The following DCC variants were observed in gnomAD, a reference collection of about 807,000 sequenced individuals.
DCC encodes DCC netrin 1 receptor, also known as netrin receptor DCC.
A neutral mutation model predicts 172.5 loss-of-function variants in DCC; 58 were observed. That is an observed-to-expected ratio of 0.34 (90% CI 0.27 to 0.42). The LOEUF is 0.42. DCC is among the 10% of genes least tolerant of loss of function. The pLI, the probability that DCC is intolerant of heterozygous loss-of-function variation, is 1.00. For synonymous variants in DCC, 709 were observed against 644.5 expected (o/e 1.10, Z -1.52); for missense variants, 1,740 against 1,791.0 (o/e 0.97, Z 0.51).
At chr18:52,556,836 A>C (rs2032928117) in intron 1 of DCC, among the ~76,000 whole-genome samples, 1 of 152,122 alleles carries the variant, frequency 6.6e-6, no homozygotes, top group Non-Finnish European at 1.5e-5. Flanking sequence ...AGCCATCAGA[A>C]TGTACTTTCG....
chr18:53,395,679 G>A (rs1908883916), intron 17 of DCC, among the ~76,000 whole-genome samples: 1 of 152,184 alleles, frequency 6.6e-6, no homozygotes, highest in South Asian at 2.1e-4. Flanking sequence ...GTCTCGCTCT[G>A]TGGTCCAGGC....
At chr18:52,424,896 T>C (rs539697346) in intron 1 of DCC, among the ~76,000 whole-genome samples, 1 of 150,834 alleles carries the variant, frequency 6.6e-6, no homozygotes, top group African/African-American at 2.4e-5. Flanking sequence ...CCATTCATTT[T>C]TTATTATCTC....
intron 2 of DCC, among the ~76,000 whole-genome samples, chr18:52,843,827 C>T (rs1477623415): frequency 6.6e-6 from 1 of 152,194 alleles, no homozygotes; most frequent in African/African-American, 2.4e-5. Context: ...AAATATTTTC[C>T]TATTATTTGA....
intron 2 of DCC, among the ~76,000 whole-genome samples, chr18:52,885,223 G>A (rs1014968434): frequency 1.3e-5 from 2 of 152,156 alleles, no homozygotes; most frequent in Admixed American, 6.5e-5. Context: ...AGCCAGTCAT[G>A]TTTGTTCTCC....
chr18:52,939,236 C>A (rs1042234051), intron 5 of DCC, among the ~76,000 whole-genome samples: 3 of 152,170 alleles, frequency 2.0e-5, no homozygotes, highest in Non-Finnish European at 4.4e-5. Context: ...GTCTAGAATT[C>A]TCTTCTCTCA....
chr18:53,519,045 T>C (rs980421394), intron 27 of DCC, among the ~76,000 whole-genome samples: 1 of 152,154 alleles, frequency 6.6e-6, no homozygotes. Flanking sequence ...TGGCTGGAGA[T>C]TCCTTTAGAT....
At chr18:53,346,313 TA>T (rs1440010392) in intron 15 of DCC, among the ~76,000 whole-genome samples, 1 of 152,198 alleles carries the variant, frequency 6.6e-6, no homozygotes, top group Non-Finnish European at 1.5e-5. Flanking sequence ...TTATGCTTAT[TA>T]AATCTGTAAA....
chr18:52,596,520 C>T (rs1246859572), intron 1 of DCC, among the ~76,000 whole-genome samples: 2 of 152,194 alleles, frequency 1.3e-5, no homozygotes, highest in African/African-American at 4.8e-5. Flanking sequence ...CCCACATCTA[C>T]TAAATCAAGA....
intron 26 of DCC, among the ~76,000 whole-genome samples, chr18:53,498,559 T>C (rs2046054815): frequency 2.6e-5 from 1 of 37,736 alleles, no homozygotes; most frequent in Admixed American, 2.0e-4. Context: ...CTGTGTTCTC[T>C]GGAAAAAAAA....
rs961426409 is a variant in DCC at position 53,531,914 on chromosome 18, T to A, written c.*1261T>A. The A allele has an allele frequency of 3.9e-5, 6 of 152,222 alleles. No homozygotes were observed. Among genetic ancestry groups the A allele is most frequent in the African/African-American group, 1.4e-4 (6 of 41,452 alleles). The allele number at this position is 152,222 out of a possible 1,614,324, so 9.4% of individuals were successfully genotyped here. A position where few individuals can be genotyped will look rare whatever the true frequency, so the allele number is the denominator to read the frequency against. ...CCAGCAGATACTTTTCAAAGCAGCA[T>A]CTTAAACTGTGGACTACAGTTTTAA... On this transcript the variant is annotated 3_prime_UTR_variant, in exon 29 of 29. Coordinates refer to ENST00000442544, the MANE Select transcript of DCC (RefSeq NM_005215.4).
intron 1 of DCC, among the ~76,000 whole-genome samples, chr18:52,572,978 G>C (rs1310908917): frequency 6.6e-6 from 1 of 152,144 alleles, no homozygotes; most frequent in Non-Finnish European, 1.5e-5. Context: ...AGTGTTTAGT[G>C]TCTACTGCCA....
At chr18:52,758,480 T>G (rs1354786429) in intron 2 of DCC, among the ~76,000 whole-genome samples, 1 of 152,214 alleles carries the variant, frequency 6.6e-6, no homozygotes, top group Non-Finnish European at 1.5e-5. Context: ...TGCATTATAA[T>G]TAAAATTCCC....
chr18:52,457,279 G>A (rs1203463332), intron 1 of DCC, among the ~76,000 whole-genome samples: 5 of 152,152 alleles, frequency 3.3e-5, no homozygotes, highest in African/African-American at 1.2e-4. Flanking sequence ...CTAGAGCAGT[G>A]TCTCATAAAG....
At chr18:53,356,831 C>A (rs528308023) in intron 15 of DCC, among the ~76,000 whole-genome samples, 69 of 152,286 alleles carry the variant, frequency 4.5e-4, no homozygotes, top group African/African-American at 1.6e-3. Flanking sequence ...AGACTTTCAA[C>A]TTTGTGTCTT....
chr18:52,464,110 T>C (rs1199209824), intron 1 of DCC, among the ~76,000 whole-genome samples: 1 of 152,218 alleles, frequency 6.6e-6, no homozygotes, highest in Admixed American at 6.5e-5. Flanking sequence ...ATATTATCAG[T>C]CTATTGAGTG....
In DCC at chr18:53,155,239, C is replaced by T. The variant is rs118141352; in HGVS notation, c.1262-2117C>T. Among the ~76,000 whole-genome samples, 865 of 152,156 alleles carry T rather than the reference C, an allele frequency of 5.7e-3. 6 individuals carry two copies. The highest frequency in any genetic ancestry group is 0.023 in the Admixed American group (352 of 15,280). On this transcript the variant is annotated intron_variant, in intron 7 of 28. Transcript: ENST00000442544. ...ATTTTTCTAGCTAGCAGAAGTTTAACTCATGGCAGTGATACCACTCAGCCA... is the reference window on the plus strand; with the variant it reads ...ATTTTTCTAGCTAGCAGAAGTTTAATTCATGGCAGTGATACCACTCAGCCA...
intron 7 of DCC, among the ~76,000 whole-genome samples, chr18:53,077,907 A>T (rs1327930549): frequency 6.6e-6 from 1 of 152,186 alleles, no homozygotes; most frequent in Non-Finnish European, 1.5e-5. Context: ...CACTCAAATG[A>T]TCTCTGTTCA....
intron 12 of DCC, among the ~76,000 whole-genome samples, chr18:53,263,586 C>T (rs1324080881): frequency 6.6e-6 from 1 of 152,106 alleles, no homozygotes; most frequent in African/African-American, 2.4e-5. Flanking sequence ...GACTGGGAAA[C>T]ATTATTAATG....
At chr18:52,807,034 C>T (rs2038098665) in intron 2 of DCC, among the ~76,000 whole-genome samples, 1 of 152,074 alleles carries the variant, frequency 6.6e-6, no homozygotes, top group Non-Finnish European at 1.5e-5. Flanking sequence ...CTCTACTAAA[C>T]ACAAAAATTA....
Sources: gnomAD v4.1 joint callset for allele counts (sites outside exome capture counted in the v4.1 genomes callset) on GRCh38, gnomAD v4.1.1 for gene constraint, MANE v1.5 for transcripts, NCBI Gene and HGNC (gene_info 2026-07-23, HGNC 2026-07-21) for gene names.